The following SAGE1 variants were observed in gnomAD, a reference collection of about 807,000 sequenced individuals.
The protein encoded by SAGE1 is cancer/testis antigen 14.
SAGE1 carries 55 observed loss-of-function variants against 55.4 expected under a neutral mutation model. That is an observed-to-expected ratio of 0.99 (90% CI 0.80 to 1.24). The LOEUF (loss-of-function observed/expected upper bound fraction) is 1.24. Ranked by LOEUF, SAGE1 falls within the 50% of genes most tolerant of loss-of-function variation. The probability of loss-of-function intolerance (pLI) is 0.00; values close to 1 mark genes in which losing one functional copy is unlikely to be tolerated. For synonymous variants in SAGE1, 240 were observed against 244.3 expected (o/e 0.98, Z 0.17); for missense variants, 710 against 704.4 (o/e 1.01, Z -0.09).
intron 12 of SAGE1, 37 bp from the exon 13 acceptor site, chrX:135,908,827 C>T (rs1419112531): frequency 5.8e-6 from 7 of 1,197,602 alleles, no homozygotes; most frequent in Admixed American, 4.4e-5. Flanking sequence ...ACATAATGCA[C>T]GTACCTCACA....
intron 13 of SAGE1, 111 bp downstream of exon 13, chrX:135,909,115 G>A: frequency 1.4e-6 from 1 of 703,993 alleles, no homozygotes; most frequent in Non-Finnish European, 2.1e-6. Context: ...TCAATTTGAG[G>A]GATCTCAGTT....
At chrX:135,909,997 A>G in intron 14 of SAGE1, 33 bp from the exon 15 acceptor site, 1 of 1,184,390 alleles carries the variant, frequency 8.4e-7, no homozygotes, top group South Asian at 1.9e-5. Context: ...AATGCACTTA[A>G]CTCAAAACTT....
At position 135,908,112 on chromosome X, in the gene SAGE1, C is replaced by T. The variant is rs782219525; in HGVS notation, c.1183C>T (p.Arg395Cys). Reference protein sequence around the residue: ...DQHATIIHNLREEKKDNSQPT... With the variant: ...DQHATIIHNLCEEKKDNSQPT... ...AGATGCTACCATCATTCACAATCTG[C>T]GTGAAGAGAAGAAAGATAACAGCCA... Residue 395 changes from arginine (R) to cysteine (C), a missense_variant, in exon 11 of 20, where the codon CGT becomes TGT. By Grantham distance (180) the Arg-to-Cys change is radical (BLOSUM62 -3). Transcript: ENST00000370709. The T allele has an allele frequency of 4.1e-6, 5 of 1,209,565 alleles. No individual in the cohort carries two copies. Among genetic ancestry groups the T allele is most frequent in the South Asian group, 3.5e-5 (2 of 56,842 alleles).
In SAGE1 at chrX:135,906,404, T is replaced by C. The variant is rs1212106137; in HGVS notation, c.596-7T>C. On this transcript the variant is annotated splice_polypyrimidine_tract_variant and splice_region_variant and intron_variant, in intron 6 of 19. Coordinates refer to ENST00000370709, the MANE Select transcript of SAGE1 (RefSeq NM_001381902.1). ...CTCACAGCTCAACCTCTTCCTTTGGTTTCCAGATGCTACAGTCACTCACAA... is the reference window on the plus strand; with the variant it reads ...CTCACAGCTCAACCTCTTCCTTTGGCTTCCAGATGCTACAGTCACTCACAA... 1 of 1,207,222 alleles carries C rather than the reference T, an allele frequency of 8.3e-7. No homozygotes were observed. The highest frequency in any genetic ancestry group is 1.1e-6 in the Non-Finnish European group (1 of 893,897).
Position 135,908,918 on chromosome X carries a change from AAACTGATAAGGTCATATC to A in SAGE1, c.1499_1516del (p.Thr500_Ser505del). ...GAGAAGATGGAAAGTGGCAAACCCC[AAACTGATAAGGTCATATC>A]AAATGATGCACCACAGCTTGGTCAT... is the stretch of plus-strand genomic sequence containing the variant. On this transcript the variant is annotated inframe_deletion, in exon 13 of 20. Coordinates refer to ENST00000370709, the MANE Select transcript of SAGE1 (RefSeq NM_001381902.1). 1 of 1,209,466 alleles carries A rather than the reference AAACTGATAAGGTCATATC, an allele frequency of 8.3e-7. No individual in the cohort carries two copies. Among genetic ancestry groups the A allele is most frequent in the African/African-American group, 1.7e-5 (1 of 57,668 alleles).
intron 13 of SAGE1, 54 bp from the exon 14 acceptor site, chrX:135,909,584 TG>T: frequency 9.2e-7 from 1 of 1,083,720 alleles, no homozygotes; most frequent in Non-Finnish European, 1.3e-6. Context: ...GATATACCTG[TG>T]GTATTGACAT....
intron 2 of SAGE1, 71 bp from the exon 3 acceptor site, chrX:135,901,488 G>A: frequency 2.0e-6 from 2 of 1,010,129 alleles, no homozygotes; most frequent in Non-Finnish European, 1.4e-6. Flanking sequence ...GGCTGTGTAT[G>A]CATATGAAGA....
chrX:135,907,492 A>G, intron 9 of SAGE1, 39 bp downstream of exon 9: 1 of 1,132,473 alleles, frequency 8.8e-7, no homozygotes, highest in African/African-American at 1.8e-5. Flanking sequence ...TAGTTGGTTT[A>G]CATATGAATG....
chrX:135,909,487 CT>C (rs2088856175), intron 13 of SAGE1, 151 bp from the exon 14 acceptor site: 4 of 550,337 alleles, frequency 7.3e-6, no homozygotes, highest in Non-Finnish European at 1.1e-5. Context: ...ATTATCGTTT[CT>C]GGACTAAATT....
chrX:135,897,831 C>G (rs2088609700), intron 2 of SAGE1, among the ~76,000 whole-genome samples: 2 of 109,452 alleles, frequency 1.8e-5, no homozygotes, highest in South Asian at 8.1e-4. Flanking sequence ...CCTCCCCCAA[C>G]TCCTCCCCCA....
chrX:135,905,210 A>G, intron 4 of SAGE1, 42 bp from the exon 5 acceptor site: 1 of 1,169,501 alleles, frequency 8.6e-7, no homozygotes. Context: ...AATTGTCATA[A>G]TGCACATACC....
chrX:135,902,754 T>C (rs1283782633), intron 3 of SAGE1, among the ~76,000 whole-genome samples: 1 of 111,453 alleles, frequency 9.0e-6, no homozygotes, highest in Non-Finnish European at 1.9e-5. Flanking sequence ...TCATGATTCT[T>C]TTATTACTCT....
rs782781703 is a variant in SAGE1, at chrX:135,907,399, G to C, written c.964G>C (p.Val322Leu). The C allele has an allele frequency of 1.3e-5, 16 of 1,206,556 alleles. No homozygotes were observed. The highest frequency in any genetic ancestry group is 1.7e-5 in the Non-Finnish European group (15 of 892,409). Residue 322 changes from valine (V) to leucine (L), a missense_variant, in exon 9 of 20, where the codon GTG (valine) becomes CTG (leucine). Transcript: ENST00000370709. The stretch of plus-strand genomic sequence containing the variant: ...TAACGTATTGTCAACTGTTCAACCA[G>C]TGATTATTTATTTGACAGCAACTGG... ...PNNVLSTVQP[V>L]IIYLTATGIP...
intron 2 of SAGE1, among the ~76,000 whole-genome samples, chrX:135,898,700 T>C (rs782765959): frequency 8.9e-6 from 1 of 112,256 alleles, no homozygotes; most frequent in East Asian, 2.8e-4. Flanking sequence ...TGGCATGAGA[T>C]GTTATCTCAT....
At chrX:135,895,032 G>A (rs782449290) in intron 1 of SAGE1, among the ~76,000 whole-genome samples, 1 of 111,223 alleles carries the variant, frequency 9.0e-6, no homozygotes, top group Non-Finnish European at 1.9e-5. Context: ...AGGAAAGTAT[G>A]TATTAACCAG....
intron 1 of SAGE1, among the ~76,000 whole-genome samples, chrX:135,896,030 G>T (rs1452251451): frequency 9.0e-6 from 1 of 110,829 alleles, no homozygotes; most frequent in Non-Finnish European, 1.9e-5. Flanking sequence ...AAAGGGAGAT[G>T]ATTCTAGATC....
At position 135,907,440 on chromosome X, in the gene SAGE1, T is replaced by C; in HGVS notation, c.1005T>C (p.Asn335=). 8.3e-7 allele frequency: 1 copy of C among 1,206,126 alleles called. No individual in the cohort carries two copies. The highest frequency in any genetic ancestry group is 1.1e-6 in the Non-Finnish European group (1 of 891,471). ...CAGCAACTGGTATTCCGGGCATGAATACCAGGGATCAGTGTATGTTTGTTT... is the reference window on the plus strand; with the variant it reads ...CAGCAACTGGTATTCCGGGCATGAACACCAGGGATCAGTGTATGTTTGTTT... ...YLTATGIPGM[N]TRDQYATITH... is the part of the protein sequence containing the mutation. Residue 335 remains asparagine, a synonymous_variant, in exon 9 of 20, where the codon AAT becomes AAC. Transcript: ENST00000370709.
rs782662221 is a variant in SAGE1, at chrX:135,896,346, T to C, written c.87+17T>C. ...GATGGGCAGGTAAGATAACTCTTTC[T>C]ATTTCTGCCCTAATTGTGACATTCT... On this transcript the variant is annotated intron_variant, in intron 2 of 19. Coordinates refer to ENST00000370709, the MANE Select transcript of SAGE1 (RefSeq NM_001381902.1). 4.7e-6 allele frequency: 5 copies of C among 1,068,944 alleles called. No homozygotes were observed. In the South Asian group the frequency reaches 5.7e-5, roughly 12 times the overall value. 88.1% of individuals were successfully genotyped at this position (1,068,944 alleles called of 1,213,427 possible). A position where few individuals can be genotyped will look rare whatever the true frequency, so the allele number is the denominator to read the frequency against.
Position 135,912,785 on chromosome X carries a change from T to G in SAGE1, c.2616-13T>G. ...GGTATCCTCTGGTGAATGGAATACC[T>G]CTTTAATTTCAGGTTTAAAAAAGTT... On this transcript the variant is annotated splice_polypyrimidine_tract_variant and intron_variant, in intron 19 of 19. Coordinates refer to ENST00000370709, the MANE Select transcript of SAGE1 (RefSeq NM_001381902.1). 3.3e-6 allele frequency: 4 copies of G among 1,206,531 alleles called. No homozygotes were observed. Among genetic ancestry groups the G allele is most frequent in the Non-Finnish European group, 3.4e-6 (3 of 891,440 alleles).
Sources: gnomAD v4.1 joint callset for allele counts (sites outside exome capture counted in the v4.1 genomes callset) on GRCh38, gnomAD v4.1.1 for gene constraint, MANE v1.5 for transcripts, NCBI Gene and HGNC (gene_info 2026-07-23, HGNC 2026-07-21) for gene names.